Variants in SYT16 observed in about 807,000 individuals in gnomAD.
The protein encoded by SYT16 is synaptotagmin 16.
Under a neutral mutation model 61.4 loss-of-function variants are expected in SYT16, and 42 were observed. That is an observed-to-expected ratio of 0.68 (90% CI 0.53 to 0.89). SYT16 has a LOEUF of 0.89. SYT16 is among the 40% of genes least tolerant of loss of function. The pLI is 0.00. For missense variants in SYT16, 804 were observed against 807.3 expected (o/e 1.00, Z 0.05); for synonymous variants, 314 against 302.3 (o/e 1.04, Z -0.40).
At chr14:61,894,279 CTG>C (rs2140344073) in intron 1 of SYT16, among the ~76,000 whole-genome samples, 1 of 149,922 alleles carries the variant, frequency 6.7e-6, no homozygotes, top group East Asian at 2.0e-4. Flanking sequence ...GAACGAAACT[CTG>C]TCTCGAAATT....
At chr14:61,858,120 C>CAAA (rs34781118) in intron 1 of SYT16, among the ~76,000 whole-genome samples, 73 of 43,156 alleles carry the variant, frequency 1.7e-3, no homozygotes, top group African/African-American at 2.3e-3. Context: ...CACAGCTTGG[C>CAAA]AAAAAAAAAA....
chr14:62,029,763 T>TAACATCAAA (rs2054243035), intron 3 of SYT16, among the ~76,000 whole-genome samples: 4 of 150,382 alleles, frequency 2.7e-5, no homozygotes, highest in Non-Finnish European at 5.9e-5. Flanking sequence ...ACCTCGCTTT[T>TAACATCAAA]GATGTTAGTC....
At chr14:62,075,646 G>A (rs1379587478) in intron 5 of SYT16, among the ~76,000 whole-genome samples, 2 of 149,042 alleles carry the variant, frequency 1.3e-5, no homozygotes, top group African/African-American at 4.9e-5. Context: ...AATAAGAATG[G>A]TGGCAGAATG....
intron 1 of SYT16, among the ~76,000 whole-genome samples, chr14:61,949,331 A>G (rs2050573009): frequency 6.6e-6 from 1 of 152,224 alleles, no homozygotes; most frequent in Non-Finnish European, 1.5e-5. Context: ...TACTCTTTTT[A>G]TATCCACTAT....
chr14:61,849,900 C>A (rs1443858001), intron 1 of SYT16, among the ~76,000 whole-genome samples: 2 of 152,150 alleles, frequency 1.3e-5, no homozygotes, highest in Non-Finnish European at 2.9e-5. Flanking sequence ...TCTTGTGCTG[C>A]CTCCACTTCC....
intron 1 of SYT16, among the ~76,000 whole-genome samples, chr14:61,828,454 G>C (rs2045840693): frequency 6.6e-6 from 1 of 152,142 alleles, no homozygotes; most frequent in Non-Finnish European, 1.5e-5. Context: ...TTTAGAGTAG[G>C]ATTGCTGGCA....
intron 2 of SYT16, among the ~76,000 whole-genome samples, chr14:61,972,662 G>A (rs1160841067): frequency 6.6e-6 from 1 of 152,118 alleles, no homozygotes; most frequent in African/African-American, 2.4e-5. Context: ...TTTGATATTT[G>A]CCTTAATTAT....
chr14:61,986,230 A>G (rs115020767), intron 2 of SYT16, among the ~76,000 whole-genome samples: 163 of 152,166 alleles, frequency 1.1e-3, no homozygotes, highest in African/African-American at 3.8e-3. Flanking sequence ...TTGTTTAACC[A>G]GCTAAACAAC....
At chr14:61,879,299 G>C (rs1303850574) in intron 1 of SYT16, among the ~76,000 whole-genome samples, 4 of 152,180 alleles carry the variant, frequency 2.6e-5, no homozygotes, top group African/African-American at 9.7e-5. Context: ...TGACCTTCAA[G>C]TTAATAAAAT....
At chr14:61,959,843 C>A (rs2051042860) in intron 1 of SYT16, among the ~76,000 whole-genome samples, 1 of 151,856 alleles carries the variant, frequency 6.6e-6, no homozygotes, top group Non-Finnish European at 1.5e-5. Context: ...TTTTGTGGGG[C>A]TCGGGGGACA....
At chr14:62,041,561 C>T (rs2054731306) in intron 3 of SYT16, among the ~76,000 whole-genome samples, 1 of 152,128 alleles carries the variant, frequency 6.6e-6, no homozygotes, top group Non-Finnish European at 1.5e-5. Context: ...GGCTGGAGTG[C>T]AGTGGCATGA....
chr14:61,962,323 A>G (rs563974712), intron 1 of SYT16, among the ~76,000 whole-genome samples: 2 of 152,002 alleles, frequency 1.3e-5, no homozygotes, highest in Non-Finnish European at 2.9e-5. Flanking sequence ...TTTTTCTCCC[A>G]GTACTTATAT....
intron 3 of SYT16, 88 bp downstream of exon 3, chr14:61,996,630 G>A: frequency 2.0e-6 from 3 of 1,473,118 alleles, no homozygotes; most frequent in Non-Finnish European, 2.7e-6. Flanking sequence ...TTATCATGTG[G>A]ATTTTATTTT....
intron 1 of SYT16, among the ~76,000 whole-genome samples, chr14:61,966,127 T>G (rs1479561712): frequency 6.6e-6 from 1 of 151,294 alleles, no homozygotes; most frequent in African/African-American, 2.4e-5. Flanking sequence ...AAGCCATTAC[T>G]ACAAGAATTG....
intron 1 of SYT16, among the ~76,000 whole-genome samples, chr14:61,929,605 G>A (rs763920804): frequency 1.8e-4 from 28 of 152,164 alleles, no homozygotes; most frequent in Non-Finnish European, 3.4e-4. Context: ...TACAGTGAAG[G>A]CATGTCTGAA....
intron 1 of SYT16, among the ~76,000 whole-genome samples, chr14:61,837,981 T>C (rs928436606): frequency 6.6e-5 from 10 of 152,206 alleles, no homozygotes; most frequent in African/African-American, 2.2e-4. Flanking sequence ...AACAGAAATA[T>C]ATATGCAAGA....
chr14:61,863,004 T>C (rs948929672), intron 1 of SYT16, among the ~76,000 whole-genome samples: 4 of 152,270 alleles, frequency 2.6e-5, no homozygotes, highest in Admixed American at 6.5e-5. Context: ...CACCACAGTT[T>C]GTTTATCCAT....
At chr14:61,858,859 CTT>C (rs541030567) in intron 1 of SYT16, among the ~76,000 whole-genome samples, 4 of 138,876 alleles carry the variant, frequency 2.9e-5, no homozygotes, top group Non-Finnish European at 4.7e-5. Flanking sequence ...CTTTTCTTTT[CTT>C]TTTTTTTTTT....
chr14:61,928,438 T>C (rs2049624505), intron 1 of SYT16, among the ~76,000 whole-genome samples: 7 of 152,224 alleles, frequency 4.6e-5, no homozygotes, highest in Admixed American at 4.6e-4. Context: ...CCTTGGCATA[T>C]ATGTCTTTGA....
Sources: allele counts gnomAD v4.1 joint callset (sites outside exome capture counted in the v4.1 genomes callset), GRCh38; gene constraint gnomAD v4.1.1; transcripts MANE v1.5; gene names NCBI Gene and HGNC (gene_info 2026-07-23, HGNC 2026-07-21).